The following MS4A4A variants were observed in gnomAD, a reference collection of about 807,000 sequenced individuals.
The protein encoded by MS4A4A is membrane-spanning 4-domains subfamily A member 4A.
In MS4A4A, 26 loss-of-function variants were observed where a neutral mutation model predicts 28.0. That is an observed-to-expected ratio of 0.93 (90% CI 0.68 to 1.29). The LOEUF (loss-of-function observed/expected upper bound fraction) is 1.29. MS4A4A is among the 50% of genes most tolerant of loss of function. MS4A4A has a pLI of 0.00. For synonymous variants in MS4A4A, 86 were observed against 100.8 expected, an observed-to-expected ratio of 0.85 and a Z score of 0.88; for missense variants, 290 against 293.1, an observed-to-expected ratio of 0.99 and a Z score of 0.08.
intron 5 of MS4A4A, 41 bp from the exon 6 acceptor site, chr11:60,306,059 T>C: frequency 2.0e-6 from 3 of 1,484,088 alleles, no homozygotes; most frequent in Non-Finnish European, 1.9e-6. Flanking sequence ...TCACTTGTCA[T>C]CTCCATTTCT....
chr11:60,294,899 C>T (rs988202888), intron 2 of MS4A4A, among the ~76,000 whole-genome samples: 1 of 53,488 alleles, frequency 1.9e-5, no homozygotes, highest in African/African-American at 4.6e-5. Context: ...ACTACTTCTT[C>T]TTCTTCTTCT....
At chr11:60,303,742 A>G (rs2084973410) in intron 5 of MS4A4A, among the ~76,000 whole-genome samples, 3 of 152,140 alleles carry the variant, frequency 2.0e-5, no homozygotes, top group Admixed American at 2.0e-4. Flanking sequence ...CATTTTGAAC[A>G]CCTGCAAATT....
At chr11:60,282,174 A>T (rs1165745184) in intron 1 of MS4A4A, among the ~76,000 whole-genome samples, 1 of 152,198 alleles carries the variant, frequency 6.6e-6, no homozygotes, top group East Asian at 1.9e-4. Flanking sequence ...CTTTATTTTG[A>T]TATAATTGCT....
intron 3 of MS4A4A, among the ~76,000 whole-genome samples, chr11:60,297,664 A>G (rs887735849): frequency 6.6e-6 from 1 of 152,220 alleles, no homozygotes; most frequent in Non-Finnish European, 1.5e-5. Context: ...TCAGTGGTGC[A>G]AGGATTTCAT....
At chr11:60,281,017 A>C (rs913695265) in intron 1 of MS4A4A, among the ~76,000 whole-genome samples, 1 of 152,228 alleles carries the variant, frequency 6.6e-6, no homozygotes, top group Admixed American at 6.5e-5. Context: ...CAAAACACTG[A>C]AAGCAACATT....
At chr11:60,283,791 T>C (rs930328416) in intron 1 of MS4A4A, among the ~76,000 whole-genome samples, 5 of 152,240 alleles carry the variant, frequency 3.3e-5, no homozygotes, top group African/African-American at 1.2e-4. Context: ...TTTAGCCATA[T>C]GCTCCAAATC....
chr11:60,295,879 AT>A (rs1362795712), intron 2 of MS4A4A, among the ~76,000 whole-genome samples: 1 of 152,036 alleles, frequency 6.6e-6, no homozygotes, highest in Non-Finnish European at 1.5e-5. Context: ...GCATTGTTAG[AT>A]TTAGTTTGCA....
At chr11:60,299,514 C>A (rs1172545217) in intron 3 of MS4A4A, among the ~76,000 whole-genome samples, 4 of 148,444 alleles carry the variant, frequency 2.7e-5, no homozygotes, top group Non-Finnish European at 5.9e-5. Context: ...CTCTTATTAC[C>A]CAGGCTGGAG....
rs1224433401 is a variant in MS4A4A at position 60,297,424 on chromosome 11, T to C, written c.330+99T>C. ...ATTCTAACCGTATCTTGTAATTCTG[T>C]AAATCTGAGAGTGGTATCTAACCAT... On this transcript the variant is annotated intron_variant, in intron 3 of 6. Coordinates refer to ENST00000337908, the MANE Select transcript of MS4A4A (RefSeq NM_148975.3). 4 of 1,388,600 alleles carry C rather than the reference T, an allele frequency of 2.9e-6. No homozygotes were observed. In the African/African-American group the frequency reaches 4.3e-5, roughly 15 times the overall value. 86.0% of individuals were successfully genotyped at this position (1,388,600 alleles called of 1,614,324 possible). A position where few individuals can be genotyped will look rare whatever the true frequency, so the allele number is the denominator to read the frequency against.
chr11:60,294,329 T>C (rs962521761), intron 2 of MS4A4A, among the ~76,000 whole-genome samples: 4 of 152,232 alleles, frequency 2.6e-5, no homozygotes, highest in South Asian at 4.1e-4. Context: ...TGTTAAGTTT[T>C]AAATTTGTTG....
At chr11:60,284,816 C>G (rs1271423076) in intron 1 of MS4A4A, among the ~76,000 whole-genome samples, 1 of 152,062 alleles carries the variant, frequency 6.6e-6, no homozygotes, top group Non-Finnish European at 1.5e-5. Context: ...AATAAAATAG[C>G]AGGCCTTATT....
chr11:60,282,887 C>T (rs1053030055), intron 1 of MS4A4A: 5 of 537,412 alleles, frequency 9.3e-6, no homozygotes, highest in African/African-American at 2.0e-5. Context: ...ATCATTCTGG[C>T]TACAACATCA....
chr11:60,284,399 T>A (rs2084785071), intron 1 of MS4A4A, among the ~76,000 whole-genome samples: 1 of 152,184 alleles, frequency 6.6e-6, no homozygotes, highest in Non-Finnish European at 1.5e-5. Context: ...CTCAAGGACA[T>A]GCTAGACAGG....
At chr11:60,293,243 A>G (rs1408449140) in intron 2 of MS4A4A, among the ~76,000 whole-genome samples, 1 of 151,798 alleles carries the variant, frequency 6.6e-6, no homozygotes, top group Non-Finnish European at 1.5e-5. Flanking sequence ...TTTTTAGTAG[A>G]GACGGGGTTT....
At chr11:60,284,092 G>A (rs1288802472) in intron 1 of MS4A4A, among the ~76,000 whole-genome samples, 1 of 152,202 alleles carries the variant, frequency 6.6e-6, no homozygotes, top group African/African-American at 2.4e-5. Flanking sequence ...CTAGTTTAGT[G>A]GATCCCCTTA....
rs1322776557 is a variant in MS4A4A, at chr11:60,289,579, GTGTGTGTGTGTGTGTA to G, written c.42-2630_42-2615del. Among the ~76,000 whole-genome samples the G allele has an allele frequency of 3.3e-3, 350 of 106,530 alleles. 2 individuals carry two copies. The highest frequency in any genetic ancestry group is 8.5e-3 in the African/African-American group (246 of 28,794). The allele number at this position is 106,530 out of a possible 152,430, so 69.9% of individuals were successfully genotyped here. On this transcript the variant is annotated intron_variant, in intron 1 of 6. Transcript: ENST00000337908. ...GTTTATTCATTGTTTTGGGGAGTGTGTGTGTGTGTGTGTGTATGTGTGTGTGTGTGTGTGTGTGTGT... is the reference window on the plus strand; with the variant it reads ...GTTTATTCATTGTTTTGGGGAGTGTGTGTGTGTGTGTGTGTGTGTGTGTGT...
intron 1 of MS4A4A, chr11:60,290,240 A>G (rs1368283381): frequency 3.6e-6 from 1 of 274,516 alleles, no homozygotes; most frequent in Admixed American, 3.8e-5. Flanking sequence ...AGGATTATAA[A>G]CAGTAATTTA....
intron 1 of MS4A4A, among the ~76,000 whole-genome samples, chr11:60,291,264 G>A (rs1052749617): frequency 1.3e-5 from 2 of 152,170 alleles, no homozygotes; most frequent in African/African-American, 4.8e-5. Flanking sequence ...CAATGTAATA[G>A]GACAAGAGAT....
At chr11:60,291,355 G>C (rs1405173960) in intron 1 of MS4A4A, among the ~76,000 whole-genome samples, 2 of 152,112 alleles carry the variant, frequency 1.3e-5, no homozygotes, top group East Asian at 3.8e-4. Context: ...CAAAATACAA[G>C]GTTACATAAA....
Sources: gnomAD v4.1 joint callset for allele counts (sites outside exome capture counted in the v4.1 genomes callset) on GRCh38, gnomAD v4.1.1 for gene constraint, MANE v1.5 for transcripts, NCBI Gene and HGNC (gene_info 2026-07-23, HGNC 2026-07-21) for gene names.